MIDN: variants seen among roughly 807,000 people sequenced by gnomAD.
The protein encoded by MIDN is midnolin, also known as midbrain nucleolar protein.
In MIDN, 26 loss-of-function variants were observed where a neutral mutation model predicts 46.1. That is an observed-to-expected ratio of 0.56 (90% CI 0.41 to 0.78). The LOEUF is 0.78. Among genes scored for constraint, MIDN ranks in the 30% least tolerant of loss-of-function variants. The pLI is 0.00. For synonymous variants in MIDN, 432 were observed against 343.3 expected (o/e 1.26, Z -2.86); for missense variants, 850 against 771.8 (o/e 1.10, Z -1.20).
chr19:1,257,338 C>T lies in MIDN; in HGVS notation c.*66C>T. 1.4e-6 allele frequency: 2 copies of T among 1,428,096 alleles called. No individual in the cohort carries two copies. Among genetic ancestry groups the T allele is most frequent in the African/African-American group, 1.4e-5 (1 of 70,334 alleles). The allele number at this position is 1,428,096 out of a possible 1,614,324, so 88.5% of individuals were successfully genotyped here. A position where few individuals can be genotyped will look rare whatever the true frequency, so the allele number is the denominator to read the frequency against. ...CAGGGCGGCGGGGACTCCGAGAGCC[C>T]CGGAGAGAACGTGGCCCAGCCCTGG... On this transcript the variant is annotated 3_prime_UTR_variant, in exon 9 of 9. Transcript: ENST00000682408.
Position 1,255,667 on chromosome 19 carries a change from A to G in MIDN, c.1231A>G (p.Ser411Gly). Residue 411 changes from serine to glycine, a missense_variant, in exon 8 of 9, where the codon AGC (serine) becomes GGC (glycine). Physicochemically the swap from Ser to Gly is moderately conservative, Grantham distance 56 (BLOSUM62 0). Transcript: ENST00000682408. ...CTCAGCCTCCCTGCTGCAGGGCCAG[A>G]GCCAGATCCGCATGTGCAAGCCCCC... ...APSASLLQGQ[S>G]QIRMCKPPGD... is the part of the protein sequence containing the mutation. 6.3e-7 allele frequency: 1 copy of G among 1,596,662 alleles called. No homozygotes were observed. Among genetic ancestry groups the G allele is most frequent in the Non-Finnish European group, 8.5e-7 (1 of 1,175,208 alleles).
intron 3 of MIDN, 46 bp downstream of exon 3, chr19:1,251,695 G>A: frequency 6.4e-7 from 1 of 1,571,040 alleles, no homozygotes; most frequent in South Asian, 1.1e-5. Flanking sequence ...CCCGCACACA[G>A]GCAGTAGCCC....
intron 4 of MIDN, among the ~76,000 whole-genome samples, chr19:1,252,491 G>C (rs535503828): frequency 6.6e-6 from 1 of 152,184 alleles, no homozygotes; most frequent in Non-Finnish European, 1.5e-5. Flanking sequence ...TTTAGTAAGC[G>C]GCCAGGAGGG....
intron 2 of MIDN, 97 bp downstream of exon 2, chr19:1,250,626 G>A: frequency 1.7e-6 from 1 of 586,602 alleles, no homozygotes; most frequent in Non-Finnish European, 2.2e-6. Flanking sequence ...GGGGCGGCCA[G>A]ACAGGGGGCG....
In MIDN at chr19:1,252,563, C is replaced by T. The variant is rs1004370557; in HGVS notation, c.384+662C>T. Among the ~76,000 whole-genome samples the T allele has an allele frequency of 4.6e-5, 7 of 151,568 alleles. No homozygotes were observed. In the South Asian group the frequency reaches 1.0e-3, roughly 23 times the overall value. On this transcript the variant is annotated intron_variant, in intron 4 of 8. Transcript: ENST00000682408. ...CTGCGGACTTTTTTTTTTTTTTCTCCTTCTTTCCTCATTTTCTTGGCTGCG... is the reference window on the plus strand; with the variant it reads ...CTGCGGACTTTTTTTTTTTTTTCTCTTTCTTTCCTCATTTTCTTGGCTGCG...
chr19:1,248,583 A>C lies in MIDN; in HGVS notation c.-485A>C, dbSNP rs1006180148. On this transcript the variant is annotated 5_prime_UTR_variant, in exon 1 of 9. Transcript: ENST00000682408. The stretch of plus-strand genomic sequence containing the variant: ...AGGCTGAGGGCCGCGCGCTTGGCCC[A>C]GACCGGCCCGGCCAGCGCGCATTCG... 1 of 144,920 alleles carries C rather than the reference A, an allele frequency of 6.9e-6. No individual in the cohort carries two copies. The highest frequency in any genetic ancestry group is 2.5e-5 in the African/African-American group (1 of 40,130). The allele number at this position is 144,920 out of a possible 1,614,324, so 9.0% of individuals were successfully genotyped here.
At chr19:1,251,476 A>T in intron 2 of MIDN, 86 bp from the exon 3 acceptor site, 1 of 1,251,134 alleles carries the variant, frequency 8.0e-7, no homozygotes, top group Non-Finnish European at 1.1e-6. Flanking sequence ...CTCTCCCCAC[A>T]CAAGCACAGC....
At position 1,255,657 on chromosome 19, in the gene MIDN, G is replaced by A. The variant is rs2081191005; in HGVS notation, c.1221G>A (p.Leu407=). ...KLTAAPSASL[L]QGQSQIRMCK... The stretch of plus-strand genomic sequence containing the variant: ...CGGCTGCCCCCTCAGCCTCCCTGCT[G>A]CAGGGCCAGAGCCAGATCCGCATGT... Residue 407 remains leucine, a synonymous_variant, in exon 8 of 9, where the codon CTG becomes CTA. Coordinates refer to ENST00000682408, the MANE Select transcript of MIDN (RefSeq NM_001388306.1). The A allele has an allele frequency of 1.2e-6, 2 of 1,601,334 alleles. No individual in the cohort carries two copies. The highest frequency in any genetic ancestry group is 2.2e-5 in the East Asian group (1 of 44,788).
chr19:1,252,829 C>T (rs898274567), intron 4 of MIDN, among the ~76,000 whole-genome samples: 5 of 152,016 alleles, frequency 3.3e-5, no homozygotes, highest in African/African-American at 1.2e-4. Context: ...GCTGGGTGGT[C>T]TGCCATGGGG....
At chr19:1,251,464 G>A in intron 2 of MIDN, 98 bp from the exon 3 acceptor site, 3 of 1,093,452 alleles carry the variant, frequency 2.7e-6, no homozygotes, top group Non-Finnish European at 3.9e-6. Flanking sequence ...GAACTTATCC[G>A]TCTCTCCCCA....
chr19:1,251,440 A>AGGGGTG (rs2081126321), intron 2 of MIDN, 122 bp from the exon 3 acceptor site: 1 of 773,318 alleles, frequency 1.3e-6, no homozygotes, highest in South Asian at 1.7e-5. Flanking sequence ...GAAGCCGGGA[A>AGGGGTG]GGGGTGGGGG....
At chr19:1,256,162 C>T (rs979995498) in intron 8 of MIDN, among the ~76,000 whole-genome samples, 13 of 152,242 alleles carry the variant, frequency 8.5e-5, no homozygotes, top group African/African-American at 2.2e-4. Context: ...CTGCACCCGT[C>T]GCGGGGGCTC....
rs746690125 is a variant in MIDN, at chr19:1,255,638, C to T, written c.1202C>T (p.Ala401Val). The T allele has an allele frequency of 7.5e-6, 12 of 1,604,354 alleles. No homozygotes were observed. In the Admixed American group the frequency reaches 8.4e-5, roughly 11 times the overall value. ...ACCTCCTGCGAGAAGCTCACGGCTGCCCCCTCAGCCTCCCTGCTGCAGGGC... is the reference window on the plus strand; with the variant it reads ...ACCTCCTGCGAGAAGCTCACGGCTGTCCCCTCAGCCTCCCTGCTGCAGGGC... The part of the protein sequence containing the change: ...RTTSCEKLTA[A>V]PSASLLQGQS... The change falls in exon 8 of 9, where the codon GCC becomes GTC. Residue 401 changes from alanine (A) to valine (V), a missense_variant. By Grantham distance (64) the Ala-to-Val change is moderately conservative. Coordinates refer to ENST00000682408, the MANE Select transcript of MIDN (RefSeq NM_001388306.1).
chr19:1,251,722 C>T, intron 3 of MIDN, 73 bp downstream of exon 3: 2 of 1,519,756 alleles, frequency 1.3e-6, no homozygotes, highest in Non-Finnish European at 1.8e-6. Context: ...CGGTACCTGT[C>T]CGCACACACA....
At position 1,255,587 on chromosome 19, in the gene MIDN, C is replaced by T. The variant is rs916497220; in HGVS notation, c.1151C>T (p.Pro384Leu). 14 of 1,610,584 alleles carry T rather than the reference C, an allele frequency of 8.7e-6. No homozygotes were observed. The highest frequency in any genetic ancestry group is 3.3e-5 in the Admixed American group (2 of 59,940). ...CACGCCCAGTGCTCCCCGGCCTCAC[C>T]GGCCCCCGACCTGGCCCCCAGAACT... Reference protein sequence around the residue: ...RCHAQCSPASPAPDLAPRTTS... With the variant: ...RCHAQCSPASLAPDLAPRTTS... The change falls in exon 8 of 9, where the codon CCG becomes CTG. Residue 384 changes from proline (P) to leucine (L), a missense_variant. Physicochemically the swap from Pro to Leu is moderately conservative, Grantham distance 98 (BLOSUM62 -3). Coordinates refer to ENST00000682408, the MANE Select transcript of MIDN (RefSeq NM_001388306.1).
At chr19:1,250,922 C>A (rs558557750) in intron 2 of MIDN, among the ~76,000 whole-genome samples, 21 of 152,010 alleles carry the variant, frequency 1.4e-4, no homozygotes, top group African/African-American at 2.6e-4. Flanking sequence ...TCTCTCCCCC[C>A]CTTTGTTCTC....
In MIDN at chr19:1,253,054, G is replaced by T. The variant is rs1341454744; in HGVS notation, c.385-900G>T. ...TGGGTTGGGGGGGGCTGGAGGGGGTGCTGGGCGGAGACACTGGGCTCCCCA... is the reference window on the plus strand; with the variant it reads ...TGGGTTGGGGGGGGCTGGAGGGGGTTCTGGGCGGAGACACTGGGCTCCCCA... On this transcript the variant is annotated intron_variant, in intron 4 of 8. Coordinates refer to ENST00000682408, the MANE Select transcript of MIDN (RefSeq NM_001388306.1). Among the ~76,000 whole-genome samples the T allele has an allele frequency of 2.0e-5, 3 of 150,878 alleles. 1 individual carries two copies. Among genetic ancestry groups the T allele is most frequent in the Admixed American group, 1.3e-4 (2 of 15,182 alleles).
chr19:1,258,771 TTTG>T lies in MIDN; in HGVS notation c.*1502_*1504del. 6.6e-6 allele frequency: 1 copy of T among 152,080 alleles called. No individual in the cohort carries two copies. Among genetic ancestry groups the T allele is most frequent in the East Asian group, 1.9e-4 (1 of 5,178 alleles). The allele number at this position is 152,080 out of a possible 1,614,324, so 9.4% of individuals were successfully genotyped here. A position where few individuals can be genotyped will look rare whatever the true frequency, so the allele number is the denominator to read the frequency against. On this transcript the variant is annotated 3_prime_UTR_variant, in exon 9 of 9. Coordinates refer to ENST00000682408, the MANE Select transcript of MIDN (RefSeq NM_001388306.1). ...AGGGTAGAGCTCAAGGATTTTGGGT[TTTG>T]TTTTGTTTTCATTTTTCCAAAAAAA...
rs2081169302 is a variant in MIDN at position 1,254,242 on chromosome 19, C to T, written c.589C>T (p.Leu197=). 12 of 1,594,492 alleles carry T rather than the reference C, an allele frequency of 7.5e-6. No homozygotes were observed. The highest frequency in any genetic ancestry group is 1.1e-5 in the South Asian group (1 of 90,252). Residue 197 remains leucine (L), a synonymous_variant, in exon 6 of 9, where the codon CTG becomes TTG. Transcript: ENST00000682408. ...GGGCGACCACATGATGTTCGTGCAG[C>T]TGCAGCTCGCGGCCCAGCACGCTCC... is the stretch of plus-strand genomic sequence containing the variant. The part of the protein sequence containing the change: ...RVGDHMMFVQ[L]QLAAQHAPLQ...
Sources: gnomAD v4.1 joint callset for allele counts (sites outside exome capture counted in the v4.1 genomes callset) on GRCh38, gnomAD v4.1.1 for gene constraint, MANE v1.5 for transcripts, NCBI Gene and HGNC (gene_info 2026-07-23, HGNC 2026-07-21) for gene names.